The following PUDP variants were observed in gnomAD, a reference collection of about 807,000 sequenced individuals.
The protein encoded by PUDP is pseudouridine 5'-phosphatase, also known as pseudouridine-5'-phosphatase.
A neutral mutation model predicts 9.4 loss-of-function variants in PUDP; 8 were observed. The ratio of observed to expected loss-of-function variants is 0.85; its 90% confidence interval spans 0.50 to 1.53. PUDP has a LOEUF of 1.53. Among genes scored for constraint, PUDP ranks in the 40% most tolerant of loss-of-function variants. The pLI is 0.00. For missense variants in PUDP, 188 were observed against 189.7 expected, an observed-to-expected ratio of 0.99 and a Z score of 0.05; for synonymous variants, 99 against 80.7, an observed-to-expected ratio of 1.23 and a Z score of -1.22.
chrX:6,728,852 C>G (rs1311730614), intron 3 of PUDP, among the ~76,000 whole-genome samples: 2 of 111,457 alleles, frequency 1.8e-5, no homozygotes, highest in Non-Finnish European at 3.8e-5. Flanking sequence ...ACCCAGGATA[C>G]CACGCTGCAG....
At chrX:6,928,834 G>A (rs1454506074) in intron 3 of PUDP, among the ~76,000 whole-genome samples, 1 of 111,273 alleles carries the variant, frequency 9.0e-6, no homozygotes, top group Non-Finnish European at 1.9e-5. Context: ...GGAGGCGGAG[G>A]TTGCAGTAAG....
chrX:6,711,800 G>A (rs915423620), intron 1 of PUDP, among the ~76,000 whole-genome samples: 4 of 112,246 alleles, frequency 3.6e-5, no homozygotes, highest in Non-Finnish European at 5.6e-5. Context: ...CCAATTCACC[G>A]CAGCTTATGG....
At chrX:7,128,731 T>G (rs1932544862) in intron 1 of PUDP, among the ~76,000 whole-genome samples, 1 of 111,718 alleles carries the variant, frequency 9.0e-6, no homozygotes, top group Non-Finnish European at 1.9e-5. Context: ...TTTTAATGTT[T>G]CTATCTGGGG....
chrX:7,069,262 G>A (rs774216631), intron 3 of PUDP, among the ~76,000 whole-genome samples: 8 of 111,411 alleles, frequency 7.2e-5, no homozygotes, highest in African/African-American at 2.3e-4. Flanking sequence ...CCCCCGAGGC[G>A]AGGTGAGGAG....
intron 3 of PUDP, among the ~76,000 whole-genome samples, chrX:6,868,415 G>A (rs1208506740): frequency 1.8e-5 from 2 of 111,822 alleles, no homozygotes; most frequent in Non-Finnish European, 3.8e-5. Flanking sequence ...ATTAGCAATA[G>A]AGAATAAGCT....
chrX:6,988,203 C>T (rs889910767), intron 1 of PUDP, among the ~76,000 whole-genome samples: 1 of 111,827 alleles, frequency 8.9e-6, no homozygotes, highest in African/African-American at 3.3e-5. Flanking sequence ...CCTGATTTCT[C>T]GAAACCCAGC....
chrX:7,011,604 G>A (rs1929478158), intron 1 of PUDP, among the ~76,000 whole-genome samples: 2 of 111,623 alleles, frequency 1.8e-5, no homozygotes, highest in Non-Finnish European at 3.8e-5. Context: ...ATTACCAGGG[G>A]ACTTTCTATC....
At chrX:7,052,098 T>C (rs1930117824) in intron 3 of PUDP, among the ~76,000 whole-genome samples, 1 of 108,801 alleles carries the variant, frequency 9.2e-6, no homozygotes, top group African/African-American at 3.4e-5. Context: ...AGTGGTGCGA[T>C]CTTGGCTCAC....
chrX:7,068,167 C>A (rs1422977085), intron 3 of PUDP, among the ~76,000 whole-genome samples: 3 of 112,168 alleles, frequency 2.7e-5, no homozygotes, highest in Non-Finnish European at 3.8e-5. Context: ...TTTATAAGAA[C>A]TGAAAATCAA....
intron 3 of PUDP, among the ~76,000 whole-genome samples, chrX:6,786,148 T>C (rs1242298458): frequency 8.9e-6 from 1 of 111,858 alleles, no homozygotes; most frequent in African/African-American, 3.3e-5. Flanking sequence ...CTCAGTGCCA[T>C]TTCACTCTTC....
At chrX:7,096,866 GT>G (rs1257365969) in intron 2 of PUDP, among the ~76,000 whole-genome samples, 19 of 106,551 alleles carry the variant, frequency 1.8e-4, no homozygotes, top group East Asian at 8.8e-4. Flanking sequence ...CATGATTGTG[GT>G]TTTTTTTTTA....
At chrX:6,926,922 CTTTTTT>C (rs61299123) in intron 3 of PUDP, among the ~76,000 whole-genome samples, 2 of 66,855 alleles carry the variant, frequency 3.0e-5, no homozygotes, top group Non-Finnish European at 5.3e-5. Context: ...GAGACAATTC[CTTTTTT>C]TTTTTTTTTT....
In PUDP at chrX:6,826,994, C is replaced by A. The variant is rs778565291; in HGVS notation, c.*248-120528G>T. On this transcript the variant is annotated intron_variant and NMD_transcript_variant, in intron 3 of 3. Coordinates refer to the PUDP transcript ENST00000655425. Reference sequence around the variant, plus strand: ...CAGCACACTGTAGATGTCATGGAAGCAGTGATTGTTAGGGATTGTCATGGA... The same window carrying A: ...CAGCACACTGTAGATGTCATGGAAGAAGTGATTGTTAGGGATTGTCATGGA... 7.1e-5 allele frequency among the ~76,000 whole-genome samples: 8 copies of A among 111,974 alleles called. No homozygotes were observed. The East Asian group carries it at 2.3e-3, about 32-fold the overall frequency.
At chrX:7,043,861 T>C (rs1157396297) in intron 1 of PUDP, among the ~76,000 whole-genome samples, 6 of 111,878 alleles carry the variant, frequency 5.4e-5, no homozygotes, top group Non-Finnish European at 1.1e-4. Flanking sequence ...ACACCTCGGA[T>C]CTTTATCCTT....
intron 3 of PUDP, among the ~76,000 whole-genome samples, chrX:6,794,533 T>C (rs1390994251): frequency 1.8e-5 from 2 of 111,206 alleles, no homozygotes; most frequent in Non-Finnish European, 3.8e-5. Flanking sequence ...ACACTCAGGT[T>C]ACATTTAATT....
intron 3 of PUDP, among the ~76,000 whole-genome samples, chrX:6,975,879 C>A (rs1569133927): frequency 8.9e-6 from 1 of 112,402 alleles, no homozygotes. Context: ...GGGCTGCTGC[C>A]TTTCTTTCAG....
chrX:6,796,984 G>A (rs1170864393), intron 3 of PUDP, among the ~76,000 whole-genome samples: 2 of 111,880 alleles, frequency 1.8e-5, no homozygotes, highest in African/African-American at 6.5e-5. Flanking sequence ...ACAATTTGAA[G>A]TCTACTGGTT....
intron 1 of PUDP, among the ~76,000 whole-genome samples, chrX:7,011,518 A>T (rs1929477390): frequency 9.3e-6 from 1 of 108,096 alleles, no homozygotes; most frequent in African/African-American, 3.4e-5. Context: ...TCCTTCCCTC[A>T]TGAAAGCATA....
chrX:6,817,371 C>T (rs1329530909), intron 3 of PUDP, among the ~76,000 whole-genome samples: 1 of 111,545 alleles, frequency 9.0e-6, no homozygotes, highest in Non-Finnish European at 1.9e-5. Flanking sequence ...CCATGCCCCG[C>T]CTTAAGCCTT....
Sources: allele counts gnomAD v4.1 joint callset (sites outside exome capture counted in the v4.1 genomes callset), GRCh38; gene constraint gnomAD v4.1.1; transcripts MANE v1.5; gene names NCBI Gene and HGNC (gene_info 2026-07-23, HGNC 2026-07-21).